Variants in BMERB1 observed in about 807,000 individuals in gnomAD.
BMERB1 encodes bMERB domain containing 1, also known as bMERB domain-containing protein 1.
A neutral mutation model predicts 23.6 loss-of-function variants in BMERB1; 12 were observed. The ratio of observed to expected loss-of-function variants is 0.51; its 90% CI spans 0.33 to 0.82. BMERB1 has a LOEUF of 0.82. Ranked by LOEUF, BMERB1 falls within the 40% of genes least tolerant of loss-of-function variation. The pLI is 0.03. For synonymous variants in BMERB1, 122 were observed against 96.6 expected (o/e 1.26, Z -1.54); for missense variants, 247 against 255.4 (o/e 0.97, Z 0.22).
intron 1 of BMERB1, chr16:15,502,496 C>T (rs2051540807): frequency 1.2e-6 from 1 of 850,708 alleles, no homozygotes; most frequent in Non-Finnish European, 1.9e-6. Context: ...AACGGTGACT[C>T]ATTAAAAGCA....
intron 2 of BMERB1, among the ~76,000 whole-genome samples, chr16:15,529,103 C>G (rs1418833898): frequency 6.6e-6 from 1 of 152,122 alleles, no homozygotes; most frequent in African/African-American, 2.4e-5. Flanking sequence ...TGGCTCACTG[C>G]AAGCTCTGCC....
intron 2 of BMERB1, among the ~76,000 whole-genome samples, chr16:15,540,047 C>G (rs1248384708): frequency 6.6e-6 from 1 of 151,464 alleles, no homozygotes; most frequent in Admixed American, 6.6e-5. Flanking sequence ...CCCCAGCTAC[C>G]CAGGAGGCTG....
At chr16:15,445,304 G>A (rs2050979737) in intron 1 of BMERB1, among the ~76,000 whole-genome samples, 1 of 152,124 alleles carries the variant, frequency 6.6e-6, no homozygotes, top group Admixed American at 6.6e-5. Context: ...ATTCAATACA[G>A]AGGTCAGTAC....
intron 3 of BMERB1, chr16:15,577,297 A>G (rs1397888308): frequency 6.6e-6 from 1 of 152,158 alleles, no homozygotes; most frequent in African/African-American, 2.4e-5. Context: ...TAGAAAAGAA[A>G]ATGATTTGGG....
At chr16:15,564,076 T>G (rs1159558536) in intron 2 of BMERB1, among the ~76,000 whole-genome samples, 1 of 152,210 alleles carries the variant, frequency 6.6e-6, no homozygotes, top group Non-Finnish European at 1.5e-5. Context: ...TGAGCTCCCT[T>G]TCACCTTCTA....
intron 4 of BMERB1, among the ~76,000 whole-genome samples, chr16:15,582,427 G>A (rs2031037500): frequency 6.6e-6 from 1 of 151,918 alleles, no homozygotes; most frequent in Admixed American, 6.6e-5. Flanking sequence ...AAAAAATACA[G>A]AAAACTACAA....
chr16:15,555,814 C>A (rs1228919098), intron 2 of BMERB1, among the ~76,000 whole-genome samples: 2 of 152,148 alleles, frequency 1.3e-5, no homozygotes. Flanking sequence ...CGTTTAAGCT[C>A]ATGAATCCTA....
intron 2 of BMERB1, among the ~76,000 whole-genome samples, chr16:15,564,148 G>T (rs896382357): frequency 6.6e-6 from 1 of 152,170 alleles, no homozygotes; most frequent in African/African-American, 2.4e-5. Context: ...AGAATCATGA[G>T]CCAAATAAAC....
At chr16:15,565,640 G>A (rs1211506707) in intron 2 of BMERB1, among the ~76,000 whole-genome samples, 2 of 152,160 alleles carry the variant, frequency 1.3e-5, no homozygotes, top group African/African-American at 2.4e-5. Flanking sequence ...CTTGAGGCCA[G>A]GAGTTCAAGA....
At chr16:15,568,709 T>C (rs1206957273) in intron 3 of BMERB1, among the ~76,000 whole-genome samples, 1 of 152,206 alleles carries the variant, frequency 6.6e-6, no homozygotes, top group Non-Finnish European at 1.5e-5. Flanking sequence ...AGTGCTTAGC[T>C]TGATATTTGG....
chr16:15,582,243 A>G (rs2031033376), intron 4 of BMERB1, among the ~76,000 whole-genome samples: 1 of 152,164 alleles, frequency 6.6e-6, no homozygotes, highest in African/African-American at 2.4e-5. Flanking sequence ...TACTAAAACT[A>G]CAGAAATTAG....
At chr16:15,481,657 T>G (rs2051321500) in intron 1 of BMERB1, among the ~76,000 whole-genome samples, 1 of 152,106 alleles carries the variant, frequency 6.6e-6, no homozygotes, top group South Asian at 2.1e-4. Flanking sequence ...ACTTCTAGAT[T>G]GTCTGCATTT....
chr16:15,434,682 A>T lies in BMERB1; in HGVS notation c.29A>T (p.His10Leu). Reference sequence around the variant, plus strand: ...GAATTAAAGCAATCTTTGTCCACCCATCTGGAAGCCGAGAAGCCTCTGAGG... The same window carrying T: ...GAATTAAAGCAATCTTTGTCCACCCTTCTGGAAGCCGAGAAGCCTCTGAGG... MELKQSLST[H>L]LEAEKPLRRY... Residue 10 changes from histidine (H) to leucine (L), a missense_variant, in exon 1 of 6, where the codon CAT (histidine) becomes CTT (leucine). Physicochemically the swap from His to Leu is moderately conservative, Grantham distance 99. Transcript: ENST00000300006. 6.2e-7 allele frequency: 1 copy of T among 1,612,628 alleles called. No individual in the cohort carries two copies. The highest frequency in any genetic ancestry group is 8.5e-7 in the Non-Finnish European group (1 of 1,179,274).
At chr16:15,457,156 G>T (rs1598448773) in intron 1 of BMERB1, among the ~76,000 whole-genome samples, 1 of 152,210 alleles carries the variant, frequency 6.6e-6, no homozygotes, top group Middle Eastern at 3.4e-3. Context: ...AAGTAGAATT[G>T]CTGAGTTAAA....
At chr16:15,582,380 G>A (rs1023032443) in intron 4 of BMERB1, among the ~76,000 whole-genome samples, 1 of 152,166 alleles carries the variant, frequency 6.6e-6, no homozygotes, top group African/African-American at 2.4e-5. Context: ...TAGCCTGGGT[G>A]ACAGAGTGAG....
At chr16:15,521,446 T>C (rs1319726655) in intron 2 of BMERB1, among the ~76,000 whole-genome samples, 3 of 152,206 alleles carry the variant, frequency 2.0e-5, no homozygotes, top group Admixed American at 6.5e-5. Context: ...CTAAGCCCTT[T>C]ACACACATGC....
intron 3 of BMERB1, among the ~76,000 whole-genome samples, chr16:15,570,221 A>G (rs1355889062): frequency 6.6e-6 from 1 of 152,210 alleles, no homozygotes; most frequent in Non-Finnish European, 1.5e-5. Flanking sequence ...CTCTGAACCT[A>G]GGAGCCGGGC....
intron 2 of BMERB1, among the ~76,000 whole-genome samples, chr16:15,535,628 G>A (rs2052017225): frequency 2.2e-5 from 3 of 133,810 alleles, no homozygotes; most frequent in Non-Finnish European, 3.1e-5. Flanking sequence ...CCAGCCTGGC[G>A]ACAGAGCAAG....
intron 2 of BMERB1, among the ~76,000 whole-genome samples, chr16:15,547,641 C>T (rs1225691519): frequency 6.6e-6 from 1 of 152,034 alleles, no homozygotes; most frequent in Non-Finnish European, 1.5e-5. Context: ...CACTGCCTGC[C>T]CAGCCACTTT....
Sources: gnomAD v4.1 joint callset for allele counts (sites outside exome capture counted in the v4.1 genomes callset) on GRCh38, gnomAD v4.1.1 for gene constraint, MANE v1.5 for transcripts, NCBI Gene and HGNC (gene_info 2026-07-23, HGNC 2026-07-21) for gene names.